CYFIP2: variants seen among roughly 807,000 people sequenced by gnomAD.
CYFIP2 encodes the protein cytoplasmic FMR1-interacting protein 2.
In CYFIP2, 29 loss-of-function variants were observed where a neutral mutation model predicts 158.7. The observed-to-expected ratio is 0.18, with a 90% CI of 0.14 to 0.25. CYFIP2 has a LOEUF of 0.25. Ranked by LOEUF, CYFIP2 falls within the 10% of genes least tolerant of loss-of-function variation. The probability of loss-of-function intolerance (pLI) is 1.00; values close to 1 mark genes in which losing one functional copy is unlikely to be tolerated. For synonymous variants in CYFIP2, 585 were observed against 617.6 expected (o/e 0.95, Z 0.78); for missense variants, 852 against 1,639.5 (o/e 0.52, Z 8.29).
intron 13 of CYFIP2, among the ~76,000 whole-genome samples, chr5:157,317,152 C>T (rs1209902576): frequency 1.3e-5 from 2 of 152,166 alleles, no homozygotes; most frequent in African/African-American, 4.8e-5. Context: ...TCTACCTTCA[C>T]CTTCCCACAA....
chr5:157,366,961 C>G (rs572867553), intron 26 of CYFIP2, among the ~76,000 whole-genome samples: 9 of 152,368 alleles, frequency 5.9e-5, no homozygotes, highest in Admixed American at 3.3e-4. Flanking sequence ...CTGAGTCCCC[C>G]GGGAAGGACA....
At chr5:157,298,667 T>A (rs1163379007) in intron 5 of CYFIP2, among the ~76,000 whole-genome samples, 1 of 152,040 alleles carries the variant, frequency 6.6e-6, no homozygotes, top group Non-Finnish European at 1.5e-5. Context: ...TTAGAACATC[T>A]TCATTACCCC....
At chr5:157,322,999 A>G (rs754728174) in intron 15 of CYFIP2, 1 of 1,535,986 alleles carries the variant, frequency 6.5e-7, no homozygotes, top group South Asian at 1.2e-5. Context: ...ACAGGGCCGA[A>G]GAGGCTGCCG....
At position 157,327,959 on chromosome 5, in the gene CYFIP2, T is replaced by C. The variant is rs1761158751; in HGVS notation, c.2080-14T>C. On this transcript the variant is annotated splice_polypyrimidine_tract_variant and intron_variant, in intron 18 of 30. Transcript: ENST00000620254. ...AACGGGCACCAGTGATGTTTCCTGC[T>C]TCCTCTCCACCAGGTGAACCTGTGT... is the stretch of plus-strand genomic sequence containing the variant. The C allele has an allele frequency of 6.2e-7, 1 of 1,613,374 alleles. No individual in the cohort carries two copies. Among genetic ancestry groups the C allele is most frequent in the Non-Finnish European group, 8.5e-7 (1 of 1,179,582 alleles).
At chr5:157,369,878 A>AGTTTTGTTTT (rs376008503) in intron 26 of CYFIP2, among the ~76,000 whole-genome samples, 1 of 69,394 alleles carries the variant, frequency 1.4e-5, no homozygotes, top group Admixed American at 1.4e-4. Flanking sequence ...GAATGGACCT[A>AGTTTTGTTTT]GTTTTTTTTT....
At position 157,395,415 on chromosome 5, in the gene CYFIP2, G is replaced by T. The variant is rs1767661475; in HGVS notation, c.*2415G>T. On this transcript the variant is annotated 3_prime_UTR_variant, in exon 31 of 31. Coordinates refer to ENST00000620254, the MANE Select transcript of CYFIP2 (RefSeq NM_001037333.3). ...GAGTTGTTGGGAATTTTTGTACAAT[G>T]AATTTACATTTATTTATGGTGACAT... 2.7e-6 allele frequency: 1 copy of T among 369,786 alleles called. No individual in the cohort carries two copies. The allele number at this position is 369,786 out of a possible 1,614,324, so 22.9% of individuals were successfully genotyped here. A position where few individuals can be genotyped will look rare whatever the true frequency, so the allele number is the denominator to read the frequency against.
chr5:157,286,965 C>G, intron 2 of CYFIP2, 54 bp from the exon 3 acceptor site: 3 of 1,482,318 alleles, frequency 2.0e-6, no homozygotes, highest in Non-Finnish European at 1.9e-6. Context: ...GACACCCAGC[C>G]AACTTGGAAC....
Position 157,311,871 on chromosome 5 carries a change from C to T in CYFIP2, c.1110+90C>T. 8.2e-7 allele frequency: 1 copy of T among 1,220,254 alleles called. No homozygotes were observed. Among genetic ancestry groups the T allele is most frequent in the South Asian group, 1.4e-5 (1 of 72,754 alleles). 75.6% of individuals were successfully genotyped at this position (1,220,254 alleles called of 1,614,324 possible). ...CAGGAAAGAACATGGACCCACGGAA[C>T]ACTGGAGAGTAGAAGGGAGGGAGGC... On this transcript the variant is annotated intron_variant, in intron 11 of 30. Coordinates refer to ENST00000620254, the MANE Select transcript of CYFIP2 (RefSeq NM_001037333.3). This position sits in a 1 kb window ranked among gnomAD's most constrained non-coding sequence, Gnocchi z 4.7.
At chr5:157,307,655 G>GTGTGTT in intron 8 of CYFIP2, 106 bp from the exon 9 acceptor site, 1 of 614,158 alleles carries the variant, frequency 1.6e-6, no homozygotes. Context: ...GTGTGTGTGT[G>GTGTGTT]TATGTGTGTG....
Position 157,309,748 on chromosome 5 carries a change from G to A in CYFIP2, c.906G>A (p.Leu302=). Residue 302 remains leucine, a synonymous_variant, in exon 10 of 31, where the codon CTG becomes CTA. Coordinates refer to ENST00000620254, the MANE Select transcript of CYFIP2 (RefSeq NM_001037333.3). The part of the protein sequence containing the change: ...LSKIDKFFKQ[L]QVVPLFGDMQ... ...TGTGTTTGCTTCCTTTGCAGCAGCT[G>A]CAGGTGGTGCCCCTTTTCGGCGACA... 1.2e-6 allele frequency: 2 copies of A among 1,603,334 alleles called. No individual in the cohort carries two copies. Among genetic ancestry groups the A allele is most frequent in the Non-Finnish European group, 1.7e-6 (2 of 1,175,040 alleles).
chr5:157,321,038 C>G (rs537647672), intron 15 of CYFIP2, among the ~76,000 whole-genome samples: 1 of 152,348 alleles, frequency 6.6e-6, no homozygotes, highest in South Asian at 2.1e-4. Context: ...ACCTCGGGCA[C>G]TTTACAGATC....
chr5:157,332,928 G>A lies in CYFIP2; in HGVS notation c.2266-399G>A, dbSNP rs192359778. On this transcript the variant is annotated intron_variant, in intron 20 of 30. Transcript: ENST00000620254. ...TTTTTCTCAGTTCAGCTAAAGATGG[G>A]GTTCTTGTCTGTCCCATGACCATGA... 1.6e-3 allele frequency among the ~76,000 whole-genome samples: 249 copies of A among 152,274 alleles called. 1 individual carries two copies. The highest frequency in any genetic ancestry group is 2.9e-3 in the African/African-American group (121 of 41,536).
intron 6 of CYFIP2, among the ~76,000 whole-genome samples, chr5:157,301,829 C>G (rs1041773354): frequency 6.6e-6 from 1 of 152,072 alleles, no homozygotes; most frequent in Non-Finnish European, 1.5e-5. Context: ...AACCAGTATA[C>G]AGCCACCCAG....
chr5:157,331,422 A>G (rs1054734172), intron 20 of CYFIP2, among the ~76,000 whole-genome samples: 45 of 150,284 alleles, frequency 3.0e-4, no homozygotes, highest in African/African-American at 9.6e-4. Context: ...CCCTCCTCCT[A>G]CAGCCCTGCT....
chr5:157,366,613 A>C (rs960630158), intron 26 of CYFIP2, among the ~76,000 whole-genome samples: 3 of 152,228 alleles, frequency 2.0e-5, no homozygotes, highest in Non-Finnish European at 4.4e-5. Context: ...TTCTTCCTGC[A>C]ATCTGTAGTG....
At chr5:157,302,930 G>A (rs368024799) in intron 7 of CYFIP2, 40 bp downstream of exon 7, 25 of 1,510,754 alleles carry the variant, frequency 1.7e-5, no homozygotes, top group East Asian at 7.3e-5. Context: ...CTGATGTCTC[G>A]GGGTTATAGG....
chr5:157,312,417 A>G (rs1759807098), intron 11 of CYFIP2, among the ~76,000 whole-genome samples: 2 of 152,226 alleles, frequency 1.3e-5, no homozygotes, highest in South Asian at 4.1e-4. Flanking sequence ...ATAAAATCCT[A>G]CCATCCCAGA....
At chr5:157,381,401 C>T (rs1766059430) in intron 26 of CYFIP2, among the ~76,000 whole-genome samples, 2 of 151,752 alleles carry the variant, frequency 1.3e-5, no homozygotes, top group South Asian at 4.2e-4. Flanking sequence ...ATGGCGAGCG[C>T]CTGTAGTCTC....
At chr5:157,284,391 T>C (rs546441148) in intron 1 of CYFIP2, among the ~76,000 whole-genome samples, 2 of 152,388 alleles carry the variant, frequency 1.3e-5, no homozygotes, top group South Asian at 4.1e-4. Context: ...GGGATTTTAT[T>C]GCTACAATTT....
Sources: gnomAD v4.1 joint callset for allele counts (sites outside exome capture counted in the v4.1 genomes callset) on GRCh38, gnomAD v4.1.1 for gene constraint, Gnocchi (gnomAD v3.1) non-coding constraint, MANE v1.5 for transcripts, NCBI Gene and HGNC (gene_info 2026-07-23, HGNC 2026-07-21) for gene names.